EPHA5: variants seen among roughly 807,000 people sequenced by gnomAD.
EPHA5 encodes ephrin type-A receptor 5.
In EPHA5, 60 loss-of-function variants were observed where a neutral mutation model predicts 105.0. The observed-to-expected ratio is 0.57, with a 90% CI of 0.46 to 0.71. The LOEUF (loss-of-function observed/expected upper bound fraction) is 0.71. Ranked by LOEUF, EPHA5 falls within the 30% of genes least tolerant of loss-of-function variation. The probability of loss-of-function intolerance (pLI) is 0.00; values close to 1 mark genes in which losing one functional copy is unlikely to be tolerated. For missense variants in EPHA5, 1,218 were observed against 1,274.7 expected, an observed-to-expected ratio of 0.96 and a Z score of 0.68; for synonymous variants, 513 against 449.1, an observed-to-expected ratio of 1.14 and a Z score of -1.80.
At chr4:65,367,485 C>A (rs1179357827) in intron 8 of EPHA5, 61 bp from the exon 9 acceptor site, 3 of 1,486,634 alleles carry the variant, frequency 2.0e-6, no homozygotes, top group Non-Finnish European at 2.8e-6. Flanking sequence ...CACATCAAGC[C>A]CAGAAGCATG....
intron 3 of EPHA5, among the ~76,000 whole-genome samples, chr4:65,523,196 ATACAGCATATTCTAT>A (rs1403591206): frequency 6.6e-6 from 1 of 151,996 alleles, no homozygotes; most frequent in African/African-American, 2.4e-5. Context: ...TTAGAATCTA[ATACAGCATATTCTAT>A]TACATATTGC....
At chr4:65,632,615 A>AC (rs1746754048) in intron 2 of EPHA5, among the ~76,000 whole-genome samples, 2 of 151,944 alleles carry the variant, frequency 1.3e-5, no homozygotes, top group Admixed American at 1.3e-4. Context: ...CTGATTATCA[A>AC]TCAGTAACTG....
chr4:65,384,526 C>T (rs549062332), intron 8 of EPHA5, among the ~76,000 whole-genome samples: 1 of 151,890 alleles, frequency 6.6e-6, no homozygotes, highest in East Asian at 2.0e-4. Context: ...AGCCCATTTC[C>T]AGCTTCAATA....
At chr4:65,518,417 T>G (rs530645431) in intron 3 of EPHA5, among the ~76,000 whole-genome samples, 1 of 150,028 alleles carries the variant, frequency 6.7e-6, no homozygotes, top group Admixed American at 6.7e-5. Context: ...GTACTTATAT[T>G]CACACACACA....
At chr4:65,503,976 A>C (rs2149246390) in intron 3 of EPHA5, among the ~76,000 whole-genome samples, 1 of 151,410 alleles carries the variant, frequency 6.6e-6, no homozygotes, top group South Asian at 2.1e-4. Context: ...ACCATCAGTA[A>C]CAGGTATATG....
chr4:65,541,979 T>C (rs942807443), intron 3 of EPHA5, among the ~76,000 whole-genome samples: 10 of 152,084 alleles, frequency 6.6e-5, no homozygotes, highest in African/African-American at 2.4e-4. Flanking sequence ...AACAACCTGT[T>C]CCTAAATGAC....
chr4:65,635,394 A>T (rs1166458617), intron 2 of EPHA5, among the ~76,000 whole-genome samples: 1 of 152,104 alleles, frequency 6.6e-6, no homozygotes, highest in African/African-American at 2.4e-5. Flanking sequence ...ATTTAAAATG[A>T]TGTTTATATT....
intron 3 of EPHA5, among the ~76,000 whole-genome samples, chr4:65,591,427 G>C (rs1369821080): frequency 6.6e-6 from 1 of 151,470 alleles, no homozygotes; most frequent in East Asian, 1.9e-4. Flanking sequence ...ATATCATTTA[G>C]GAGTATTTAT....
intron 3 of EPHA5, among the ~76,000 whole-genome samples, chr4:65,521,707 T>C (rs943157383): frequency 4.6e-5 from 7 of 152,054 alleles, no homozygotes; most frequent in Non-Finnish European, 5.9e-5. Context: ...CCTAAACTAC[T>C]CTGGTCCTAA....
At chr4:65,393,628 C>A (rs1014428071) in intron 8 of EPHA5, among the ~76,000 whole-genome samples, 3 of 152,162 alleles carry the variant, frequency 2.0e-5, no homozygotes, top group South Asian at 2.1e-4. Flanking sequence ...CAACAACATT[C>A]TTGAATTATG....
At chr4:65,475,503 A>G (rs13136958) in intron 5 of EPHA5, among the ~76,000 whole-genome samples, 4,207 of 152,230 alleles carry the variant, frequency 0.028, 79 homozygotes, top group African/African-American at 0.039. Context: ...GCACACTAAG[A>G]AGATGTATAT....
At chr4:65,353,617 G>GAAAT (rs1429724396) in intron 11 of EPHA5, among the ~76,000 whole-genome samples, 1 of 151,170 alleles carries the variant, frequency 6.6e-6, no homozygotes, top group Admixed American at 6.6e-5. Context: ...TATTTTAATA[G>GAAAT]AAATAATGAT....
At chr4:65,553,764 G>A (rs1056668445) in intron 3 of EPHA5, among the ~76,000 whole-genome samples, 8 of 152,108 alleles carry the variant, frequency 5.3e-5, no homozygotes, top group Admixed American at 2.0e-4. Flanking sequence ...TTCGGATGTA[G>A]GACCTCAAGT....
intron 2 of EPHA5, among the ~76,000 whole-genome samples, chr4:65,609,969 A>G (rs1033375177): frequency 6.6e-6 from 1 of 152,156 alleles, no homozygotes; most frequent in Non-Finnish European, 1.5e-5. Context: ...CTCATTATAT[A>G]AAATGATCAA....
chr4:65,599,553 T>G (rs1743510793), intron 3 of EPHA5, among the ~76,000 whole-genome samples: 1 of 152,132 alleles, frequency 6.6e-6, no homozygotes, highest in African/African-American at 2.4e-5. Context: ...CACATACCAT[T>G]TGTACATAGT....
At chr4:65,437,312 CTTA>C (rs1725568834) in intron 5 of EPHA5, among the ~76,000 whole-genome samples, 1 of 151,976 alleles carries the variant, frequency 6.6e-6, no homozygotes, top group African/African-American at 2.4e-5. Context: ...GAGCCTATTT[CTTA>C]TTGTACTTAG....
intron 5 of EPHA5, among the ~76,000 whole-genome samples, chr4:65,453,379 T>C (rs2149111701): frequency 6.6e-6 from 1 of 152,250 alleles, no homozygotes. Context: ...TCCAACTCTT[T>C]AGGTCAATGA....
At chr4:65,438,398 A>T (rs981314908) in intron 5 of EPHA5, among the ~76,000 whole-genome samples, 2 of 151,876 alleles carry the variant, frequency 1.3e-5, no homozygotes, top group African/African-American at 2.4e-5. Flanking sequence ...ATGGATATTA[A>T]TGTAAATTTA....
chr4:65,609,485 A>G (rs1041465441), intron 2 of EPHA5, among the ~76,000 whole-genome samples: 3 of 152,178 alleles, frequency 2.0e-5, no homozygotes, highest in African/African-American at 7.2e-5. Flanking sequence ...AATTCATAAT[A>G]CAAATGAAAT....
Sources: gnomAD v4.1 joint callset for allele counts (sites outside exome capture counted in the v4.1 genomes callset) on GRCh38, gnomAD v4.1.1 for gene constraint, MANE v1.5 for transcripts, NCBI Gene and HGNC (gene_info 2026-07-23, HGNC 2026-07-21) for gene names.